ZNF254: variants seen among roughly 807,000 people sequenced by gnomAD.
The protein encoded by ZNF254 is CTD-2017D11.1.
In ZNF254, 10 loss-of-function variants were observed where a neutral mutation model predicts 12.4. The ratio of observed to expected loss-of-function variants is 0.80; its 90% CI spans 0.50 to 1.36. The LOEUF is 1.36. Ranked by LOEUF, ZNF254 falls within the 40% of genes most tolerant of loss-of-function variation. The probability of loss-of-function intolerance (pLI) is 0.00; values close to 1 mark genes in which losing one functional copy is unlikely to be tolerated. For synonymous variants in ZNF254, 305 were observed against 253.4 expected (o/e 1.20, Z -1.93); for missense variants, 996 against 763.9 (o/e 1.30, Z -3.58).
At chr19:24,112,698 T>A (rs897446622) in intron 3 of ZNF254, among the ~76,000 whole-genome samples, 1 of 152,154 alleles carries the variant, frequency 6.6e-6, no homozygotes, top group African/African-American at 2.4e-5. Flanking sequence ...AGGTATTTTA[T>A]TCTCTTTGAA....
At chr19:24,105,509 T>A (rs1460766345) in intron 1 of ZNF254, 1 of 212,290 alleles carries the variant, frequency 4.7e-6, no homozygotes, top group African/African-American at 2.4e-5. Context: ...AAAAATAATC[T>A]GCATTAACAA....
At chr19:24,048,003 CTT>C (rs398034320) in intron 2 of ZNF254, among the ~76,000 whole-genome samples, 11 of 68,820 alleles carry the variant, frequency 1.6e-4, no homozygotes, top group East Asian at 4.1e-4. Context: ...TTCTTTTCTT[CTT>C]TTTTTTTTTT....
chr19:24,119,454 A>G (rs1974333996), intron 3 of ZNF254, among the ~76,000 whole-genome samples: 1 of 151,938 alleles, frequency 6.6e-6, no homozygotes, highest in Non-Finnish European at 1.5e-5. Context: ...AGCCTCCCAG[A>G]GTGCTGGGAT....
intron 3 of ZNF254, among the ~76,000 whole-genome samples, chr19:24,119,691 G>T (rs368004949): frequency 1.3e-5 from 2 of 151,920 alleles, no homozygotes; most frequent in Admixed American, 6.6e-5. Context: ...AGGTTTTGCC[G>T]CATTGCTGAG....
chr19:24,056,886 G>A (rs1382564382), intron 2 of ZNF254, among the ~76,000 whole-genome samples: 1 of 152,164 alleles, frequency 6.6e-6, no homozygotes, highest in Admixed American at 6.6e-5. Context: ...TCTCAGAGAA[G>A]TTTGTGACAT....
chr19:24,126,640 G>C lies in ZNF254; in HGVS notation c.640G>C (p.Glu214Gln). ...TAGAGAGAAGTCCTACAAATGTAAA[G>C]AATGTGGAAAAACCTTTAATTGGTC... ...YHREKSYKCKECGKTFNWSST... is the reference protein window; with the variant it reads ...YHREKSYKCKQCGKTFNWSST... The change falls in exon 4 of 4, where the codon GAA (glutamate) becomes CAA (glutamine). Residue 214 changes from glutamate (E) to glutamine (Q), a missense_variant. By Grantham distance (29) the Glu-to-Gln change is conservative (BLOSUM62 2). Transcript: ENST00000357002. 1 of 1,611,254 alleles carries C rather than the reference G, an allele frequency of 6.2e-7. No homozygotes were observed. Among genetic ancestry groups the C allele is most frequent in the Non-Finnish European group, 8.5e-7 (1 of 1,179,246 alleles).
intron 3 of ZNF254, among the ~76,000 whole-genome samples, chr19:24,108,343 C>T (rs564355781): frequency 1.8e-4 from 27 of 152,250 alleles, no homozygotes; most frequent in African/African-American, 5.8e-4. Context: ...TCAGGGGAAC[C>T]AAGTTAGGTG....
intron 2 of ZNF254, among the ~76,000 whole-genome samples, chr19:24,050,893 G>A (rs1392711414): frequency 1.3e-5 from 2 of 151,858 alleles, no homozygotes; most frequent in African/African-American, 4.8e-5. Context: ...GTAGAGATGG[G>A]GTTTCTCCAT....
At chr19:24,054,424 G>A (rs936494139) in intron 2 of ZNF254, among the ~76,000 whole-genome samples, 4 of 152,142 alleles carry the variant, frequency 2.6e-5, no homozygotes, top group Non-Finnish European at 5.9e-5. Flanking sequence ...CTCATAGCTC[G>A]ACTTAGATAA....
intron 2 of ZNF254, among the ~76,000 whole-genome samples, chr19:24,069,689 A>G (rs1347537284): frequency 6.6e-6 from 1 of 150,876 alleles, no homozygotes; most frequent in African/African-American, 2.4e-5. Context: ...AGGCCGGCTC[A>G]CGCCTGTAAT....
At chr19:24,120,155 A>G (rs1417129204) in intron 3 of ZNF254, among the ~76,000 whole-genome samples, 1 of 152,138 alleles carries the variant, frequency 6.6e-6, no homozygotes, top group Admixed American at 6.6e-5. Flanking sequence ...GAGCTTGCGC[A>G]GGAAAACTGC....
chr19:24,092,525 A>G (rs964899054), intron 1 of ZNF254, among the ~76,000 whole-genome samples: 2 of 151,860 alleles, frequency 1.3e-5, no homozygotes, highest in African/African-American at 2.4e-5. Flanking sequence ...ACAGGCATGC[A>G]CCACCATACC....
intron 1 of ZNF254, among the ~76,000 whole-genome samples, chr19:24,095,189 T>G (rs572611812): frequency 6.6e-6 from 1 of 152,356 alleles, no homozygotes; most frequent in Admixed American, 6.5e-5. Flanking sequence ...TGAATCACAT[T>G]TATTGATTTG....
intron 2 of ZNF254, among the ~76,000 whole-genome samples, chr19:24,073,846 TG>T (rs1364129359): frequency 2.0e-5 from 3 of 152,212 alleles, no homozygotes; most frequent in African/African-American, 7.2e-5. Context: ...TACCTAGAAA[TG>T]GGACATGTGC....
At chr19:24,111,093 C>G (rs184502505) in intron 3 of ZNF254, among the ~76,000 whole-genome samples, 35 of 136,582 alleles carry the variant, frequency 2.6e-4, no homozygotes, top group Non-Finnish European at 3.2e-4. Flanking sequence ...CTAATGCTAT[C>G]CCTTCCCCCT....
At chr19:24,042,202 T>G (rs1054118411) in intron 1 of ZNF254, among the ~76,000 whole-genome samples, 8 of 152,146 alleles carry the variant, frequency 5.3e-5, no homozygotes, top group Non-Finnish European at 8.8e-5. Flanking sequence ...TTGGAGAACC[T>G]GTGTGTTGAA....
chr19:24,040,738 A>G (rs1970124314), intron 1 of ZNF254, among the ~76,000 whole-genome samples: 1 of 152,226 alleles, frequency 6.6e-6, no homozygotes, highest in Admixed American at 6.5e-5. Flanking sequence ...GTATGTGTAC[A>G]TGTTGTTCAA....
At chr19:24,099,506 T>A (rs1203849918) in intron 1 of ZNF254, among the ~76,000 whole-genome samples, 1 of 152,172 alleles carries the variant, frequency 6.6e-6, no homozygotes, top group African/African-American at 2.4e-5. Flanking sequence ...AGCCACTGAT[T>A]TAAAATGCAA....
chr19:24,121,516 G>T (rs1017015574), intron 3 of ZNF254, among the ~76,000 whole-genome samples: 4 of 148,570 alleles, frequency 2.7e-5, no homozygotes, highest in African/African-American at 7.8e-5. Flanking sequence ...TCTTTTTCCA[G>T]TAGAATTATA....
Sources: gnomAD v4.1 joint callset for allele counts (sites outside exome capture counted in the v4.1 genomes callset) on GRCh38, gnomAD v4.1.1 for gene constraint, MANE v1.5 for transcripts, NCBI Gene and HGNC (gene_info 2026-07-23, HGNC 2026-07-21) for gene names.